The following ABCC3 variants were observed in gnomAD, a reference collection of about 807,000 sequenced individuals.
The protein encoded by ABCC3 is ATP-binding cassette sub-family C member 3.
In ABCC3, 121 loss-of-function variants were observed where a neutral mutation model predicts 165.3. The ratio of observed to expected loss-of-function variants is 0.73; its 90% CI spans 0.63 to 0.85. The LOEUF (loss-of-function observed/expected upper bound fraction) is 0.85, where lower values mean the gene tolerates loss of function less well. Among genes scored for constraint, ABCC3 ranks in the 40% least tolerant of loss-of-function variants. ABCC3 has a pLI of 0.00. For missense variants in ABCC3, 1,869 were observed against 1,964.1 expected (o/e 0.95, Z 0.92); for synonymous variants, 733 against 810.1 (o/e 0.90, Z 1.62).
At chr17:50,687,870 C>A in intron 30 of ABCC3, 140 bp downstream of exon 30, 1 of 920,796 alleles carries the variant, frequency 1.1e-6, no homozygotes, top group Non-Finnish European at 1.6e-6. Context: ...CAGAGTTTCC[C>A]AAGATCTGGA....
chr17:50,673,952 CTTTCTT>C (rs1967715300), intron 19 of ABCC3, among the ~76,000 whole-genome samples: 1 of 17,778 alleles, frequency 5.6e-5, no homozygotes, highest in African/African-American at 2.6e-4. Context: ...TTCTTTCTTT[CTTTCTT>C]TCTTTCTTTC....
chr17:50,661,229 G>C, intron 8 of ABCC3, 115 bp downstream of exon 8: 2 of 1,130,810 alleles, frequency 1.8e-6, no homozygotes, highest in Non-Finnish European at 2.4e-6. Context: ...AACCAGGGAG[G>C]CTAGCTCCAC....
intron 29 of ABCC3, among the ~76,000 whole-genome samples, chr17:50,686,628 C>G (rs554010243): frequency 1.3e-5 from 2 of 152,180 alleles, no homozygotes; most frequent in Admixed American, 1.3e-4. Flanking sequence ...ACACTTCCCC[C>G]AGAGCATGCC....
rs528722797 is a variant in ABCC3, at chr17:50,671,259, T to TAAA, written c.2242-1700_2242-1698dup. On this transcript the variant is annotated intron_variant, in intron 17 of 30. Transcript: ENST00000285238. ...TGGGCGACAGAGCAAGACTCTGTCT[T>TAAA]AAAAAAAAAAAAAAGAAAAAAAAAC... Among the ~76,000 whole-genome samples, 423 of 133,252 alleles carry TAAA rather than the reference T, an allele frequency of 3.2e-3. 2 individuals carry two copies. Among genetic ancestry groups the TAAA allele is most frequent in the African/African-American group, 0.012 (401 of 33,646 alleles). The allele number at this position is 133,252 out of a possible 152,430, so 87.4% of individuals were successfully genotyped here.
chr17:50,673,285 TG>T (rs1967687571), intron 18 of ABCC3, 147 bp downstream of exon 18: 5 of 1,235,050 alleles, frequency 4.0e-6, no homozygotes, highest in Non-Finnish European at 5.6e-6. Context: ...GAGAAACCTG[TG>T]GGGACAACTC....
At chr17:50,661,708 CT>C (rs1967393545) in intron 8 of ABCC3, among the ~76,000 whole-genome samples, 1 of 152,126 alleles carries the variant, frequency 6.6e-6, no homozygotes, top group Non-Finnish European at 1.5e-5. Context: ...GTGCTCGATA[CT>C]AGGGATACAG....
chr17:50,635,954 A>T (rs2054175778), intron 1 of ABCC3: 1 of 201,676 alleles, frequency 5.0e-6, no homozygotes, highest in African/African-American at 2.3e-5. Flanking sequence ...TTTCTAAGAC[A>T]GGCTGCTCTT....
chr17:50,685,274 C>T (rs936122076), intron 29 of ABCC3, among the ~76,000 whole-genome samples: 3 of 152,208 alleles, frequency 2.0e-5, no homozygotes, highest in African/African-American at 7.2e-5. Flanking sequence ...GGGCTATGCA[C>T]TGGAGGGGCC....
At chr17:50,639,208 T>G (rs746516213) in intron 1 of ABCC3, among the ~76,000 whole-genome samples, 66 of 151,874 alleles carry the variant, frequency 4.3e-4, no homozygotes, top group Admixed American at 8.5e-4. Flanking sequence ...CTCCCGGGGC[T>G]CCTTTCCTCC....
intron 1 of ABCC3, among the ~76,000 whole-genome samples, chr17:50,642,584 G>T (rs184637149): frequency 6.6e-6 from 1 of 152,154 alleles, no homozygotes; most frequent in African/African-American, 2.4e-5. Context: ...CCTTCTCCCC[G>T]CTGTGGGGAG....
At chr17:50,636,717 T>C (rs2054184212) in intron 1 of ABCC3, among the ~76,000 whole-genome samples, 1 of 152,224 alleles carries the variant, frequency 6.6e-6, no homozygotes, top group African/African-American at 2.4e-5. Context: ...CCCTGAGAGC[T>C]TAGGACTCTA....
rs1432880547 is a variant in ABCC3, at chr17:50,634,898, C to T, written c.-39C>T. 2.4e-6 allele frequency: 3 copies of T among 1,248,636 alleles called. No homozygotes were observed. Among genetic ancestry groups the T allele is most frequent in the Non-Finnish European group, 3.0e-6 (3 of 996,038 alleles). 77.3% of individuals were successfully genotyped at this position (1,248,636 alleles called of 1,614,324 possible). ...CGCCCGCTCTGCCCGCCGCTGGGTCCGACCGCGCTCGCCTTCCTTGCAGCC... is the reference window on the plus strand; with the variant it reads ...CGCCCGCTCTGCCCGCCGCTGGGTCTGACCGCGCTCGCCTTCCTTGCAGCC... On this transcript the variant is annotated 5_prime_UTR_variant, in exon 1 of 31. Transcript: ENST00000285238.
In ABCC3 at chr17:50,642,509, C is replaced by T. The variant is rs555814575; in HGVS notation, c.45+7528C>T. Among the ~76,000 whole-genome samples, 3 of 152,350 alleles carry T rather than the reference C, an allele frequency of 2.0e-5. No individual in the cohort carries two copies. In the South Asian group the frequency reaches 6.2e-4, roughly 32 times the overall value. ...ACACGGGCCTGACAGCTGGAGGCTC[C>T]ATCACCCGCTTCCCTGAGTGTTGTC... is the stretch of plus-strand genomic sequence containing the variant. On this transcript the variant is annotated intron_variant, in intron 1 of 30. Transcript: ENST00000285238.
At chr17:50,636,187 T>C (rs2054177804) in intron 1 of ABCC3, among the ~76,000 whole-genome samples, 5 of 152,176 alleles carry the variant, frequency 3.3e-5, no homozygotes, top group Middle Eastern at 3.4e-3. Flanking sequence ...CTATTTTGAG[T>C]ATTTGTACAT....
At chr17:50,672,942 C>A in intron 17 of ABCC3, 29 bp from the exon 18 acceptor site, 1 of 1,607,622 alleles carries the variant, frequency 6.2e-7, no homozygotes, top group Non-Finnish European at 8.5e-7. Flanking sequence ...TGTCTGACCC[C>A]ATTTTTCCCA....
At position 50,676,599 on chromosome 17, in the gene ABCC3, G is replaced by T; in HGVS notation, c.3378+11G>T. 6.3e-7 allele frequency: 1 copy of T among 1,593,196 alleles called. No individual in the cohort carries two copies. Among genetic ancestry groups the T allele is most frequent in the Non-Finnish European group, 8.6e-7 (1 of 1,167,632 alleles). On this transcript the variant is annotated intron_variant, in intron 23 of 30. Coordinates refer to ENST00000285238, the MANE Select transcript of ABCC3 (RefSeq NM_003786.4). Reference sequence around the variant, plus strand: ...TACACCTTAGTGCAGGTGTGGGGTGGGCGTGATTCCAGTGTGGGCGTGGTG... The same window carrying T: ...TACACCTTAGTGCAGGTGTGGGGTGTGCGTGATTCCAGTGTGGGCGTGGTG...
chr17:50,635,086 G>A, intron 1 of ABCC3, 105 bp downstream of exon 1: 3 of 1,194,704 alleles, frequency 2.5e-6, no homozygotes, highest in Non-Finnish European at 3.2e-6. Context: ...ATCCCGGGAC[G>A]GAGCCCCTGA....
rs1440448028 is a variant in ABCC3 at position 50,676,563 on chromosome 17, T to C, written c.3353T>C (p.Leu1118Pro). The C allele has an allele frequency of 1.3e-6, 2 of 1,516,616 alleles. No homozygotes were observed. The highest frequency in any genetic ancestry group is 8.9e-7 in the Non-Finnish European group (1 of 1,121,208). The allele number at this position is 1,516,616 out of a possible 1,614,324, so 93.9% of individuals were successfully genotyped here. Residue 1118 changes from leucine (L) to proline (P), a missense_variant, in exon 23 of 31, where the codon CTG (leucine) becomes CCG (proline). By Grantham distance (98) the Leu-to-Pro change is moderately conservative. Coordinates refer to ENST00000285238, the MANE Select transcript of ABCC3 (RefSeq NM_003786.4). Reference sequence around the variant, plus strand: ...CTCTTCACTGTGGTCATCCTGCCCCTGGCTGTGCTCTACACCTTAGTGCAG... The same window carrying C: ...CTCTTCACTGTGGTCATCCTGCCCCCGGCTGTGCTCTACACCTTAGTGCAG... ...TPLFTVVILP[L>P]AVLYTLVQRF...
chr17:50,679,861 G>A lies in ABCC3; in HGVS notation c.3769G>A (p.Val1257Met). Residue 1257 changes from valine (V) to methionine (M), a missense_variant, in exon 26 of 31, where the codon GTG becomes ATG. Transcript: ENST00000285238. ...MSDLESNIVA[V>M]ERVKEYSKTE... ...AGATTTGGAATCTAACATCGTGGCT[G>A]TGGAGAGGGTCAAGGAGTACTCCAA... The A allele has an allele frequency of 6.2e-7, 1 of 1,614,182 alleles. No individual in the cohort carries two copies. Among genetic ancestry groups the A allele is most frequent in the Non-Finnish European group, 8.5e-7 (1 of 1,180,034 alleles).
Sources: allele counts gnomAD v4.1 joint callset (sites outside exome capture counted in the v4.1 genomes callset), GRCh38; gene constraint gnomAD v4.1.1; transcripts MANE v1.5; gene names NCBI Gene and HGNC (gene_info 2026-07-23, HGNC 2026-07-21).